LGSN: variants seen among roughly 807,000 people sequenced by gnomAD.
LGSN encodes lengsin, lens protein with glutamine synthetase domain, also known as lengsin.
In LGSN, 21 loss-of-function variants were observed where a neutral mutation model predicts 19.5. That is an observed-to-expected ratio of 1.07 (90% CI 0.76 to 1.55). The LOEUF is 1.55. Ranked by LOEUF, LGSN falls within the 40% of genes most tolerant of loss-of-function variation. The pLI is 0.00. For synonymous variants in LGSN, 257 were observed against 215.6 expected (o/e 1.19, Z -1.68); for missense variants, 673 against 608.5 (o/e 1.11, Z -1.12).
At chr6:63,491,753 G>A in the LGSN span, among the ~76,000 whole-genome samples, 8 of 152,144 alleles carry the variant, frequency 5.3e-5, no homozygotes, top group African/African-American at 1.2e-4. Context: ...ATATGTGGCC[G>A]GGCGCGGTGG....
At chr6:63,478,665 C>T in the LGSN span, among the ~76,000 whole-genome samples, 5 of 152,232 alleles carry the variant, frequency 3.3e-5, no homozygotes, top group South Asian at 2.1e-4. Flanking sequence ...ATCATATAGA[C>T]GATCATCAGT....
At chr6:63,317,892 T>A (rs1768926945) in intron 1 of LGSN, among the ~76,000 whole-genome samples, 1 of 152,134 alleles carries the variant, frequency 6.6e-6, no homozygotes. Context: ...ATCTGCAGGG[T>A]GGGGAACAGA....
At chr6:63,517,168 A>G in the LGSN span, among the ~76,000 whole-genome samples, 50 of 152,300 alleles carry the variant, frequency 3.3e-4, no homozygotes, top group South Asian at 1.2e-3. Context: ...TTAAACAAGG[A>G]TAATATTATG....
chr6:63,331,859 T>G, the LGSN span, among the ~76,000 whole-genome samples: 3 of 152,146 alleles, frequency 2.0e-5, no homozygotes, highest in South Asian at 6.3e-4. Flanking sequence ...TCGGATTTAG[T>G]GGCCCATACC....
the LGSN span, among the ~76,000 whole-genome samples, chr6:63,454,793 CTTTT>C: frequency 2.2e-5 from 2 of 91,742 alleles, no homozygotes; most frequent in African/African-American, 4.5e-5. Context: ...TTTTCTTTTT[CTTTT>C]TTTTTTTTTT....
chr6:63,441,749 G>A, the LGSN span: 4 of 384,284 alleles, frequency 1.0e-5, no homozygotes, highest in Non-Finnish European at 2.0e-5. Context: ...ATCTAAGTCC[G>A]AATCCTGCCC....
the LGSN span, among the ~76,000 whole-genome samples, chr6:63,336,954 C>T: frequency 2.6e-3 from 383 of 149,682 alleles, 3 homozygotes; most frequent in African/African-American, 9.0e-3. Context: ...GATGGAGTCT[C>T]ACCCTGTCAC....
At chr6:63,322,073 T>G (rs143021069), upstream of LGSN, among the ~76,000 whole-genome samples, 42 of 152,298 alleles carry the variant, frequency 2.8e-4, no homozygotes, top group African/African-American at 9.9e-4. Context: ...GCTTACTAAG[T>G]ACCAACAAGG....
chr6:63,514,077 A>G, the LGSN span, among the ~76,000 whole-genome samples: 2 of 152,104 alleles, frequency 1.3e-5, no homozygotes, highest in East Asian at 1.9e-4. Context: ...AAGACTAATA[A>G]TCTGTGTTCT....
chr6:63,542,789 A>T, the LGSN span, among the ~76,000 whole-genome samples: 31 of 152,038 alleles, frequency 2.0e-4, no homozygotes, highest in African/African-American at 7.2e-4. Flanking sequence ...CAAATCCTAC[A>T]TCCTTTCCAT....
At chr6:63,541,026 AAAGG>A in the LGSN span, among the ~76,000 whole-genome samples, 71,186 of 146,388 alleles carry the variant, frequency 0.49, 17,889 homozygotes, top group African/African-American at 0.61. Context: ...GGGAATGAAG[AAAGG>A]AAGGAAGGAA....
At chr6:63,359,710 T>G in the LGSN span, among the ~76,000 whole-genome samples, 1 of 152,222 alleles carries the variant, frequency 6.6e-6, no homozygotes, top group Non-Finnish European at 1.5e-5. Context: ...TGCATCTATT[T>G]GATTCTTCTC....
chr6:63,337,769 A>C, the LGSN span, among the ~76,000 whole-genome samples: 1 of 152,184 alleles, frequency 6.6e-6, no homozygotes, highest in South Asian at 2.1e-4. Context: ...GCACCACTGC[A>C]CTCCAGCCTG....
At chr6:63,388,216 G>A in the LGSN span, among the ~76,000 whole-genome samples, 16 of 151,876 alleles carry the variant, frequency 1.1e-4, no homozygotes, top group South Asian at 2.1e-4. Flanking sequence ...GTATCATTTC[G>A]TAATTTAAAA....
At chr6:63,480,994 C>CACATACATACATACAT in the LGSN span, among the ~76,000 whole-genome samples, 1 of 119,156 alleles carries the variant, frequency 8.4e-6, no homozygotes, top group Non-Finnish European at 1.8e-5. Context: ...TATACACACA[C>CACATACATACATACAT]ACATACATAC....
chr6:63,484,941 G>T, the LGSN span, among the ~76,000 whole-genome samples: 2 of 152,160 alleles, frequency 1.3e-5, no homozygotes, highest in Non-Finnish European at 2.9e-5. Flanking sequence ...TCTCCCCAGT[G>T]AAACCTGCAA....
At chr6:63,428,291 A>G in the LGSN span, among the ~76,000 whole-genome samples, 23 of 152,066 alleles carry the variant, frequency 1.5e-4, no homozygotes, top group Non-Finnish European at 3.2e-4. Context: ...TTGTGGCTGG[A>G]ATATAAGGTA....
chr6:63,440,278 C>T, the LGSN span, among the ~76,000 whole-genome samples: 89 of 152,242 alleles, frequency 5.8e-4, no homozygotes, highest in Non-Finnish European at 1.0e-3. Flanking sequence ...CCTGGGAGGA[C>T]GGGGTGGAGC....
the LGSN span, among the ~76,000 whole-genome samples, chr6:63,467,789 T>C: frequency 6.6e-6 from 1 of 152,116 alleles, no homozygotes; most frequent in African/African-American, 2.4e-5. Flanking sequence ...CCTCCCGGGT[T>C]CAAGTGATCC....
Sources: gnomAD v4.1 joint callset for allele counts (sites outside exome capture counted in the v4.1 genomes callset) on GRCh38, gnomAD v4.1.1 for gene constraint, MANE v1.5 for transcripts, NCBI Gene and HGNC (gene_info 2026-07-23, HGNC 2026-07-21) for gene names.